RASA4: variants seen among roughly 807,000 people sequenced by gnomAD.
RASA4 encodes the protein ras GTPase-activating protein 4.
In RASA4, 5 loss-of-function variants were observed where a neutral mutation model predicts 24.0. The ratio of observed to expected loss-of-function variants is 0.21; its 90% CI spans 0.11 to 0.44. RASA4 has a LOEUF of 0.44. Among genes scored for constraint, RASA4 ranks in the 20% least tolerant of loss-of-function variants. The pLI, the probability that RASA4 is intolerant of heterozygous loss-of-function variation, is 0.99. For synonymous variants in RASA4, 9 were observed against 132.7 expected (o/e 0.07, Z 6.41); for missense variants, 38 against 293.0 (o/e 0.13, Z 6.35).
intron 8 of RASA4, among the ~76,000 whole-genome samples, chr7:102,597,737 G>T (rs1473258093): frequency 1.8e-4 from 25 of 136,988 alleles, no homozygotes; most frequent in African/African-American, 5.7e-4. Flanking sequence ...TTCTTGAGAC[G>T]GAGTTTCGCT....
chr7:102,597,574 C>T (rs1248777010), intron 8 of RASA4, among the ~76,000 whole-genome samples: 166 of 103,774 alleles, frequency 1.6e-3, no homozygotes, highest in Non-Finnish European at 2.4e-3. Flanking sequence ...TAGAGGTGCC[C>T]GCCACCACAT....
intron 16 of RASA4, among the ~76,000 whole-genome samples, chr7:102,590,705 C>T (rs1789938521): frequency 6.9e-6 from 1 of 144,926 alleles, no homozygotes; most frequent in Non-Finnish European, 1.5e-5. Context: ...TTTTGGGAGG[C>T]CGAGGAAGGC....
chr7:102,599,935 C>G lies in RASA4; in HGVS notation c.662G>C (p.Arg221Thr). Reference protein sequence around the residue: ...FLGKVVIDVQRLRVVQQEEGW... With the variant: ...FLGKVVIDVQTLRVVQQEEGW... ...CTCCTCCTGCTGCACCACCCGCAGT[C>G]TCTGGACATCAATCACCACCTGGGG... The change falls in exon 8 of 21, where the codon AGA (arginine) becomes ACA (threonine). Residue 221 changes from arginine (R) to threonine (T), a missense_variant. Arg to Thr is a moderately conservative substitution (Grantham distance 71). Transcript: ENST00000262940. 5.9e-6 allele frequency: 1 copy of G among 168,506 alleles called. No individual in the cohort carries two copies. Among genetic ancestry groups the G allele is most frequent in the Non-Finnish European group, 1.0e-5 (1 of 96,256 alleles). The allele number at this position is 168,506 out of a possible 1,614,324, so 10.4% of individuals were successfully genotyped here.
At chr7:102,591,028 A>C (rs1789971377) in intron 16 of RASA4, among the ~76,000 whole-genome samples, 1 of 138,346 alleles carries the variant, frequency 7.2e-6, no homozygotes. Flanking sequence ...TATAATAATC[A>C]TCTGAGTGCT....
At chr7:102,614,375 TTC>T (rs1790984120) in intron 1 of RASA4, among the ~76,000 whole-genome samples, 1 of 105,780 alleles carries the variant, frequency 9.5e-6, no homozygotes. Context: ...GAGCCTCAGT[TTC>T]CCAATGTGCA....
intron 8 of RASA4, among the ~76,000 whole-genome samples, chr7:102,597,987 C>T (rs557287011): frequency 5.4e-5 from 5 of 92,868 alleles, no homozygotes; most frequent in Non-Finnish European, 5.0e-5. Flanking sequence ...TGAGTCACCA[C>T]GCCCAGCGGT....
intron 16 of RASA4, among the ~76,000 whole-genome samples, chr7:102,591,349 G>A (rs1178059064): frequency 1.1e-4 from 2 of 17,772 alleles, no homozygotes; most frequent in Non-Finnish European, 2.1e-4. Context: ...CCCTCATCTG[G>A]TGGGACCCCT....
At chr7:102,590,985 T>C (rs1258940745) in intron 16 of RASA4, among the ~76,000 whole-genome samples, 1 of 144,238 alleles carries the variant, frequency 6.9e-6, no homozygotes. Context: ...AATGCCCATG[T>C]AGTCAAATCT....
rs1789664446 is a variant in RASA4, at chr7:102,580,894, A to T, written c.*1877T>A. ...AAAGTTCCCCTTCATCTGAAAATTG[A>T]ATGTGATTTTAAACAACCTATTTGA... On this transcript the variant is annotated 3_prime_UTR_variant, in exon 21 of 21. Transcript: ENST00000262940. 1 of 135,378 alleles carries T rather than the reference A, an allele frequency of 7.4e-6. No homozygotes were observed. Among genetic ancestry groups the T allele is most frequent in the African/African-American group, 2.5e-5 (1 of 39,226 alleles). The allele number at this position is 135,378 out of a possible 1,614,324, so 8.4% of individuals were successfully genotyped here.
At chr7:102,597,442 C>CTTTT (rs1790263099) in intron 8 of RASA4, among the ~76,000 whole-genome samples, 1 of 21,546 alleles carries the variant, frequency 4.6e-5, no homozygotes, top group Non-Finnish European at 1.7e-4. Context: ...TTTTTTTTTG[C>CTTTT]TGAGATGGAG....
chr7:102,613,766 C>T (rs542948873), intron 1 of RASA4, among the ~76,000 whole-genome samples: 14 of 152,094 alleles, frequency 9.2e-5, no homozygotes, highest in African/African-American at 3.4e-4. Flanking sequence ...GGGAAAACCC[C>T]AAAATAGCCT....
intron 16 of RASA4, among the ~76,000 whole-genome samples, chr7:102,590,946 A>G (rs1789964413): frequency 6.7e-6 from 1 of 148,378 alleles, no homozygotes; most frequent in Non-Finnish European, 1.5e-5. Flanking sequence ...ATCTCAAAAA[A>G]AAAAAAAAAA....
chr7:102,599,562 G>A (rs1292467143), intron 8 of RASA4, among the ~76,000 whole-genome samples: 9 of 128,172 alleles, frequency 7.0e-5, no homozygotes, highest in African/African-American at 2.2e-4. Flanking sequence ...GCGTGAACCC[G>A]GGAGGCGGAG....
At chr7:102,595,121 G>A (rs1397737339) in intron 11 of RASA4, among the ~76,000 whole-genome samples, 184 bp downstream of exon 11, 1 of 77,870 alleles carries the variant, frequency 1.3e-5, no homozygotes, top group African/African-American at 3.3e-5. Context: ...TGATCCGCCC[G>A]CCTCAGCCTC....
intron 16 of RASA4, among the ~76,000 whole-genome samples, chr7:102,590,750 G>T (rs1184238040): frequency 6.9e-6 from 1 of 145,766 alleles, no homozygotes; most frequent in Non-Finnish European, 1.5e-5. Flanking sequence ...AGACCAGCCT[G>T]ACAAACATGG....
chr7:102,587,236 A>G (rs1586833329), intron 18 of RASA4: 1 of 58,030 alleles, frequency 1.7e-5, no homozygotes, highest in African/African-American at 7.1e-5. Context: ...GCTACTGGGG[A>G]GGTTGAGGCA....
rs4259342 is a variant in RASA4 at position 102,588,767 on chromosome 7, C to T, written c.1969-997G>A. 9.9e-3 allele frequency among the ~76,000 whole-genome samples: 48 copies of T among 4,832 alleles called. 2 individuals carry two copies. Among genetic ancestry groups the T allele is most frequent in the Middle Eastern group, 0.12 (1 of 8 alleles). 3.2% of individuals were successfully genotyped at this position (4,832 alleles called of 152,430 possible). A position where few individuals can be genotyped will look rare whatever the true frequency, so the allele number is the denominator to read the frequency against. On this transcript the variant is annotated intron_variant, in intron 17 of 20. Coordinates refer to ENST00000262940, the MANE Select transcript of RASA4 (RefSeq NM_006989.6). ...GCAACCTCCACCTCCCAGGTTCAAG[C>T]GATTCTCCTGCCTCAGCCCCCCAAG... is the stretch of plus-strand genomic sequence containing the variant.
Position 102,580,969 on chromosome 7 carries a change from T to C in RASA4, c.*1802A>G, listed in dbSNP as rs1486369259. On this transcript the variant is annotated 3_prime_UTR_variant, in exon 21 of 21. Transcript: ENST00000262940. ...AAAGCCCACTCCTCCTTTCTGGGGG[T>C]CCCAGTTTCGTGATCTCTTCTTCCC... 10 of 70,558 alleles carry C rather than the reference T, an allele frequency of 1.4e-4. No individual in the cohort carries two copies. The highest frequency in any genetic ancestry group is 3.2e-4 in the African/African-American group (10 of 30,956). The allele number at this position is 70,558 out of a possible 1,614,324, so 4.4% of individuals were successfully genotyped here.
intron 16 of RASA4, among the ~76,000 whole-genome samples, chr7:102,590,833 G>C (rs200140822): frequency 0.14 from 18,765 of 133,490 alleles, 95 homozygotes; most frequent in East Asian, 0.25. Flanking sequence ...CCAGCTACTT[G>C]GGAGGCTGAG....
Sources: gnomAD v4.1 joint callset for allele counts (sites outside exome capture counted in the v4.1 genomes callset) on GRCh38, gnomAD v4.1.1 for gene constraint, MANE v1.5 for transcripts, NCBI Gene and HGNC (gene_info 2026-07-23, HGNC 2026-07-21) for gene names.